Variants in ATP9B observed in about 807,000 individuals in gnomAD.
ATP9B encodes probable phospholipid-transporting ATPase IIB.
A neutral mutation model predicts 146.1 loss-of-function variants in ATP9B; 110 were observed. That is an observed-to-expected ratio of 0.75 (90% CI 0.65 to 0.88). The LOEUF is 0.88. ATP9B is among the 40% of genes least tolerant of loss of function. ATP9B has a pLI of 0.00. For synonymous variants in ATP9B, 604 were observed against 569.7 expected, an observed-to-expected ratio of 1.06 and a Z score of -0.86; for missense variants, 1,499 against 1,496.4, an observed-to-expected ratio of 1.00 and a Z score of -0.03.
intron 13 of ATP9B, among the ~76,000 whole-genome samples, chr18:79,299,685 C>T (rs1045056122): frequency 1.3e-5 from 2 of 152,118 alleles, no homozygotes; most frequent in South Asian, 2.1e-4. Context: ...AGATGTATTC[C>T]GTATTTTACA....
intron 13 of ATP9B, among the ~76,000 whole-genome samples, chr18:79,295,340 C>T (rs1568602568): frequency 6.6e-6 from 1 of 152,322 alleles, no homozygotes; most frequent in East Asian, 1.9e-4. Context: ...CCATCTTACT[C>T]ATTGATTTCC....
intron 20 of ATP9B, among the ~76,000 whole-genome samples, chr18:79,343,174 C>A (rs914990260): frequency 3.3e-5 from 5 of 152,110 alleles, no homozygotes; most frequent in Non-Finnish European, 7.4e-5. Flanking sequence ...ACAAATTAGG[C>A]CCTGAAGACT....
chr18:79,376,279 G>A (rs2097103040), intron 29 of ATP9B: 2 of 984,912 alleles, frequency 2.0e-6, no homozygotes, highest in South Asian at 9.4e-5. Flanking sequence ...AGGTGAGCTG[G>A]TGTCTCTTCC....
intron 11 of ATP9B, among the ~76,000 whole-genome samples, chr18:79,250,819 G>A (rs967863384): frequency 6.6e-6 from 1 of 152,152 alleles, no homozygotes; most frequent in Non-Finnish European, 1.5e-5. Flanking sequence ...TGTGATCTGG[G>A]GGAGCGGCGC....
chr18:79,329,798 A>C (rs1157175940), intron 16 of ATP9B, among the ~76,000 whole-genome samples: 1 of 152,252 alleles, frequency 6.6e-6, no homozygotes, highest in Non-Finnish European at 1.5e-5. Context: ...TCAGCCTAGC[A>C]TCTCAGGATG....
At chr18:79,355,932 G>A (rs2096949778) in intron 25 of ATP9B, among the ~76,000 whole-genome samples, 2 of 152,160 alleles carry the variant, frequency 1.3e-5, no homozygotes, top group Admixed American at 6.5e-5. Context: ...CTCAAGTGCC[G>A]GAGAAAGGCC....
In ATP9B at chr18:79,337,319, C is replaced by T. The variant is rs1206495396; in HGVS notation, c.2153C>T (p.Ser718Phe). 2 of 1,614,070 alleles carry T rather than the reference C, an allele frequency of 1.2e-6. No individual in the cohort carries two copies. The highest frequency in any genetic ancestry group is 1.7e-6 in the Non-Finnish European group (2 of 1,180,024). Reference protein sequence around the residue: ...TQAKLSMHDRSLKVAAVVESL... With the variant: ...TQAKLSMHDRFLKVAAVVESL... The stretch of plus-strand genomic sequence containing the variant: ...GCCAAGCTGAGCATGCACGACAGGT[C>T]CCTCAAGGTGGCCGCGGTAGTCGAG... Residue 718 changes from serine to phenylalanine, a missense_variant, in exon 19 of 30, where the codon TCC becomes TTC. By Grantham distance (155) the Ser-to-Phe change is radical (BLOSUM62 -2). Coordinates refer to ENST00000426216, the MANE Select transcript of ATP9B (RefSeq NM_198531.5).
At chr18:79,327,561 T>TCTCCATGGTTAACGTGCC (rs2096758438) in intron 15 of ATP9B, among the ~76,000 whole-genome samples, 1 of 123,886 alleles carries the variant, frequency 8.1e-6, no homozygotes, top group African/African-American at 3.7e-5. Context: ...GTTAGCGTGC[T>TCTCCATGGTTAACGTGCC]CTCCGTGGTT....
intron 1 of ATP9B, among the ~76,000 whole-genome samples, chr18:79,092,514 A>G (rs539657639): frequency 6.6e-6 from 1 of 152,154 alleles, no homozygotes; most frequent in Admixed American, 6.5e-5. Context: ...TTAAAAACTT[A>G]TTGACTTTTT....
chr18:79,098,524 A>G (rs1007363897), intron 2 of ATP9B, among the ~76,000 whole-genome samples: 1 of 151,440 alleles, frequency 6.6e-6, no homozygotes, highest in Non-Finnish European at 1.5e-5. Context: ...ATGAACTCAA[A>G]CAAATTTACA....
Position 79,347,903 on chromosome 18 carries a change from G to T in ATP9B, c.2816G>T (p.Gly939Val). ...AALGQFVMHR[G>V]LIISTMQAVF... Reference sequence around the variant, plus strand: ...CTCGGCCAGTTCGTCATGCACAGGGGCCTTATCATCTCCACCATGCAGGTA... The same window carrying T: ...CTCGGCCAGTTCGTCATGCACAGGGTCCTTATCATCTCCACCATGCAGGTA... Residue 939 changes from glycine (G) to valine (V), a missense_variant, in exon 24 of 30, where the codon GGC (glycine) becomes GTC (valine). By Grantham distance (109) the Gly-to-Val change is moderately radical. Coordinates refer to ENST00000426216, the MANE Select transcript of ATP9B (RefSeq NM_198531.5). The T allele has an allele frequency of 6.2e-7, 1 of 1,613,124 alleles. No homozygotes were observed. The highest frequency in any genetic ancestry group is 8.5e-7 in the Non-Finnish European group (1 of 1,179,854).
intron 13 of ATP9B, among the ~76,000 whole-genome samples, chr18:79,294,810 C>T (rs563724212): frequency 3.9e-5 from 6 of 152,222 alleles, no homozygotes; most frequent in East Asian, 1.9e-4. Context: ...GTTTCAGCAG[C>T]GCCAAGAGGA....
intron 7 of ATP9B, among the ~76,000 whole-genome samples, chr18:79,171,271 A>G (rs756647316): frequency 3.3e-5 from 5 of 152,168 alleles, no homozygotes; most frequent in African/African-American, 7.2e-5. Context: ...AATTTTGTTC[A>G]TTTCCAAAAT....
intron 13 of ATP9B, among the ~76,000 whole-genome samples, chr18:79,301,918 C>T (rs927543858): frequency 5.3e-5 from 8 of 152,112 alleles, no homozygotes; most frequent in Non-Finnish European, 1.5e-5. Flanking sequence ...TGAAAGTAAG[C>T]GCTGTGTCCT....
intron 1 of ATP9B, among the ~76,000 whole-genome samples, chr18:79,083,702 C>T (rs1039420626): frequency 5.3e-5 from 8 of 152,084 alleles, no homozygotes; most frequent in African/African-American, 1.9e-4. Context: ...TGAGGCGACA[C>T]CCCACTTTGC....
At chr18:79,368,346 G>A (rs1396049515) in intron 26 of ATP9B, among the ~76,000 whole-genome samples, 4 of 152,198 alleles carry the variant, frequency 2.6e-5, no homozygotes, top group Non-Finnish European at 5.9e-5. Context: ...AGCTGTGATC[G>A]CACCACTGCA....
chr18:79,373,994 T>C lies in ATP9B; in HGVS notation c.3167T>C (p.Leu1056Pro). ...SFTALILTEL[L>P]MVALTVRTWH... ...ACCGCACTGATCCTGACCGAGCTGC[T>C]GATGGTGGCGCTGACCGTCCGCACG... The change falls in exon 28 of 30, where the codon CTG becomes CCG. Residue 1056 changes from leucine (L) to proline (P), a missense_variant. By Grantham distance (98) the Leu-to-Pro change is moderately conservative. Transcript: ENST00000426216. 6.2e-7 allele frequency: 1 copy of C among 1,614,190 alleles called. No homozygotes were observed. Among genetic ancestry groups the C allele is most frequent in the Non-Finnish European group, 8.5e-7 (1 of 1,180,038 alleles).
At chr18:79,285,433 C>T (rs1455734764) in intron 13 of ATP9B, among the ~76,000 whole-genome samples, 3 of 152,204 alleles carry the variant, frequency 2.0e-5, no homozygotes, top group Non-Finnish European at 2.9e-5. Flanking sequence ...TGAGAAGTGC[C>T]TGTTCATGTC....
chr18:79,231,150 G>T (rs191706874), intron 11 of ATP9B, among the ~76,000 whole-genome samples: 1 of 152,058 alleles, frequency 6.6e-6, no homozygotes, highest in Non-Finnish European at 1.5e-5. Flanking sequence ...ATAGATAGAC[G>T]CGACATAAAC....
Sources: gnomAD v4.1 joint callset for allele counts (sites outside exome capture counted in the v4.1 genomes callset) on GRCh38, gnomAD v4.1.1 for gene constraint, MANE v1.5 for transcripts, NCBI Gene and HGNC (gene_info 2026-07-23, HGNC 2026-07-21) for gene names.